The following KCNH1 variants were observed in gnomAD, a reference collection of about 807,000 sequenced individuals.
The protein encoded by KCNH1 is voltage-gated delayed rectifier potassium channel KCNH1.
A neutral mutation model predicts 69.2 loss-of-function variants in KCNH1; 27 were observed. That is an observed-to-expected ratio of 0.39 (90% CI 0.29 to 0.54). The LOEUF (loss-of-function observed/expected upper bound fraction) is 0.54. Ranked by LOEUF, KCNH1 falls within the 20% of genes least tolerant of loss-of-function variation. The probability of loss-of-function intolerance (pLI) is 0.68; values close to 1 mark genes in which losing one functional copy is unlikely to be tolerated. For missense variants in KCNH1, 798 were observed against 1,261.6 expected, an observed-to-expected ratio of 0.63 and a Z score of 5.57; for synonymous variants, 456 against 487.7, an observed-to-expected ratio of 0.93 and a Z score of 0.86.
At chr1:210,832,855 T>G (rs1685190509) in intron 7 of KCNH1, among the ~76,000 whole-genome samples, 2 of 149,216 alleles carry the variant, frequency 1.3e-5, no homozygotes, top group African/African-American at 4.9e-5. Flanking sequence ...CAAATTACAA[T>G]GGCTGTACTC....
At chr1:210,838,077 A>G (rs1478756222) in intron 7 of KCNH1, among the ~76,000 whole-genome samples, 1 of 152,186 alleles carries the variant, frequency 6.6e-6, no homozygotes, top group African/African-American at 2.4e-5. Context: ...ATATCACCGT[A>G]CCTAACTTCA....
chr1:210,794,308 C>G (rs1684264430), intron 9 of KCNH1, among the ~76,000 whole-genome samples: 1 of 152,156 alleles, frequency 6.6e-6, no homozygotes, highest in Non-Finnish European at 1.5e-5. Flanking sequence ...CTTGGACCTA[C>G]TTTACAGACT....
chr1:211,093,662 A>T (rs1027095775), intron 3 of KCNH1, among the ~76,000 whole-genome samples: 1 of 152,240 alleles, frequency 6.6e-6, no homozygotes, highest in Non-Finnish European at 1.5e-5. Context: ...ACAAAAATTC[A>T]TACAATCAGG....
At chr1:210,970,700 A>G (rs1688496445) in intron 6 of KCNH1, among the ~76,000 whole-genome samples, 1 of 152,192 alleles carries the variant, frequency 6.6e-6, no homozygotes, top group African/African-American at 2.4e-5. Flanking sequence ...AAGAAAACTT[A>G]GGCAATACCA....
intron 9 of KCNH1, among the ~76,000 whole-genome samples, chr1:210,797,120 ACTTCATCC>A (rs1684331154): frequency 5.9e-5 from 9 of 152,122 alleles, no homozygotes; most frequent in Non-Finnish European, 8.8e-5. Context: ...TTTTTAGGAT[ACTTCATCC>A]CTTCTCTTCT....
chr1:210,966,825 C>A (rs1034038496), intron 6 of KCNH1, among the ~76,000 whole-genome samples: 5 of 151,960 alleles, frequency 3.3e-5, no homozygotes, highest in African/African-American at 1.2e-4. Flanking sequence ...TCAGGGATCT[C>A]AAACTAGAAA....
At chr1:210,997,098 A>C (rs1689062362) in intron 6 of KCNH1, among the ~76,000 whole-genome samples, 2 of 152,260 alleles carry the variant, frequency 1.3e-5, no homozygotes, top group Non-Finnish European at 2.9e-5. Flanking sequence ...TCTAAAAAGC[A>C]GAGTGCCTCT....
At chr1:211,048,296 T>A (rs1690130367) in intron 5 of KCNH1, among the ~76,000 whole-genome samples, 2 of 152,142 alleles carry the variant, frequency 1.3e-5, no homozygotes, top group South Asian at 2.1e-4. Flanking sequence ...GAACTAAAAG[T>A]AGATCTACCA....
chr1:211,108,962 A>AATC (rs980286049), intron 1 of KCNH1, among the ~76,000 whole-genome samples: 5 of 152,180 alleles, frequency 3.3e-5, no homozygotes, highest in African/African-American at 1.2e-4. Context: ...ACAAATAGAT[A>AATC]TGTCCACAAC....
intron 10 of KCNH1, among the ~76,000 whole-genome samples, chr1:210,709,250 A>G (rs1681992650): frequency 6.6e-6 from 1 of 152,176 alleles, no homozygotes; most frequent in Non-Finnish European, 1.5e-5. Flanking sequence ...CCCTGTCTCA[A>G]AGGTGGGGGA....
intron 10 of KCNH1, among the ~76,000 whole-genome samples, chr1:210,737,820 A>G (rs1471724050): frequency 6.6e-6 from 1 of 152,232 alleles, no homozygotes; most frequent in Non-Finnish European, 1.5e-5. Context: ...AACTTAGACT[A>G]AGTCACCATT....
intron 10 of KCNH1, among the ~76,000 whole-genome samples, chr1:210,688,058 T>C (rs1681444808): frequency 6.6e-6 from 1 of 152,242 alleles, no homozygotes; most frequent in East Asian, 1.9e-4. Context: ...TGAGTCACAC[T>C]GCAATGTTAA....
Position 210,679,556 on chromosome 1 carries a change from A to C in KCNH1, c.*3725T>G, listed in dbSNP as rs1469450925. On this transcript the variant is annotated 3_prime_UTR_variant, in exon 11 of 11. Transcript: ENST00000271751. ...CTTCCTATACCTAGTATTCCTAAAG[A>C]GTTCATTTAGTCCCCACAAGGGCCT... is the stretch of plus-strand genomic sequence containing the variant. 6.6e-6 allele frequency: 1 copy of C among 152,208 alleles called. No individual in the cohort carries two copies. The highest frequency in any genetic ancestry group is 1.9e-4 in the East Asian group (1 of 5,204). 9.4% of individuals were successfully genotyped at this position (152,208 alleles called of 1,614,324 possible).
chr1:210,869,483 T>TTG (rs1686187350), intron 7 of KCNH1, among the ~76,000 whole-genome samples: 2 of 104,520 alleles, frequency 1.9e-5, no homozygotes, highest in South Asian at 7.6e-4. Flanking sequence ...TAGTTATAAG[T>TTG]CGTGTGTGTG....
intron 10 of KCNH1, among the ~76,000 whole-genome samples, chr1:210,714,412 C>A (rs1035996681): frequency 6.6e-6 from 1 of 151,964 alleles, no homozygotes; most frequent in African/African-American, 2.4e-5. Flanking sequence ...TTTGCCTTTA[C>A]CTGGGGTTGG....
intron 10 of KCNH1, among the ~76,000 whole-genome samples, chr1:210,687,995 A>G (rs1681443628): frequency 6.6e-6 from 1 of 152,172 alleles, no homozygotes; most frequent in South Asian, 2.1e-4. Context: ...AAAGTATTCC[A>G]TGATGCTCTA....
At chr1:210,883,037 A>G (rs1686529847) in intron 7 of KCNH1, among the ~76,000 whole-genome samples, 1 of 152,220 alleles carries the variant, frequency 6.6e-6, no homozygotes, top group African/African-American at 2.4e-5. Context: ...TATAATGAAT[A>G]AATCCTACCC....
At chr1:211,065,141 G>C (rs376254914) in intron 5 of KCNH1, among the ~76,000 whole-genome samples, 30 of 152,132 alleles carry the variant, frequency 2.0e-4, no homozygotes, top group Non-Finnish European at 3.5e-4. Context: ...AGGGTATATC[G>C]TCAAAGGAAA....
rs183507962 is a variant in KCNH1, at chr1:211,011,762, G to A, written c.1032+7021C>T. Among the ~76,000 whole-genome samples the A allele has an allele frequency of 1.4e-4, 21 of 152,290 alleles. No individual in the cohort carries two copies. The East Asian group carries it at 1.7e-3, about 13-fold the overall frequency. Reference sequence around the variant, plus strand: ...ACACCCCAGGTAGGATCATGACTCCGGTGCGTGTGCAAGGCACAGCATCTA... The same window carrying A: ...ACACCCCAGGTAGGATCATGACTCCAGTGCGTGTGCAAGGCACAGCATCTA... On this transcript the variant is annotated intron_variant, in intron 6 of 10. Transcript: ENST00000271751.
Sources: allele counts gnomAD v4.1 joint callset (sites outside exome capture counted in the v4.1 genomes callset), GRCh38; gene constraint gnomAD v4.1.1; transcripts MANE v1.5; gene names NCBI Gene and HGNC (gene_info 2026-07-23, HGNC 2026-07-21).